The following PAX7 variants were observed in gnomAD, a reference collection of about 807,000 sequenced individuals.
The protein encoded by PAX7 is paired box protein Pax-7.
A neutral mutation model predicts 50.7 loss-of-function variants in PAX7; 18 were observed. The observed-to-expected ratio is 0.36, with a 90% CI of 0.25 to 0.53. The LOEUF is 0.53. Among genes scored for constraint, PAX7 ranks in the 20% least tolerant of loss-of-function variants. The pLI is 0.93. For synonymous variants in PAX7, 310 were observed against 290.4 expected (o/e 1.07, Z -0.69); for missense variants, 644 against 702.9 (o/e 0.92, Z 0.95).
intron 6 of PAX7, among the ~76,000 whole-genome samples, chr1:18,702,268 G>A (rs1204874087): frequency 6.6e-6 from 1 of 152,136 alleles, no homozygotes; most frequent in Non-Finnish European, 1.5e-5. Flanking sequence ...GAACCCGGGA[G>A]GCGGAGGTTG....
chr1:18,638,099 C>A (rs1249227483), intron 4 of PAX7, among the ~76,000 whole-genome samples: 3 of 152,246 alleles, frequency 2.0e-5, no homozygotes, highest in African/African-American at 7.2e-5. Context: ...TCCTGCACAA[C>A]AAACAACTCT....
At chr1:18,709,838 C>T (rs939297944) in intron 7 of PAX7, among the ~76,000 whole-genome samples, 1 of 152,186 alleles carries the variant, frequency 6.6e-6, no homozygotes, top group Non-Finnish European at 1.5e-5. Flanking sequence ...TCTGGTGGTC[C>T]ATCCAGGGAA....
At chr1:18,655,428 C>T (rs1005006404) in intron 4 of PAX7, among the ~76,000 whole-genome samples, 8 of 152,128 alleles carry the variant, frequency 5.3e-5, no homozygotes, top group Non-Finnish European at 7.4e-5. Flanking sequence ...GGGGGCCAAC[C>T]GGGATGAGCT....
At chr1:18,678,138 G>A (rs961888717) in intron 4 of PAX7, among the ~76,000 whole-genome samples, 4 of 151,810 alleles carry the variant, frequency 2.6e-5, no homozygotes, top group South Asian at 2.1e-4. Context: ...TTAGCCGGGC[G>A]CAGTGGCTCA....
intron 4 of PAX7, among the ~76,000 whole-genome samples, chr1:18,660,670 C>T (rs2088587616): frequency 6.6e-6 from 1 of 152,142 alleles, no homozygotes; most frequent in South Asian, 2.1e-4. Context: ...AGAGAGCTGA[C>T]CTGAGCTGGG....
chr1:18,715,984 C>T (rs976276077), intron 7 of PAX7, among the ~76,000 whole-genome samples: 12 of 152,120 alleles, frequency 7.9e-5, no homozygotes, highest in African/African-American at 2.4e-4. Flanking sequence ...CTGTTCCCCC[C>T]GCTCCTTCTT....
intron 4 of PAX7, among the ~76,000 whole-genome samples, chr1:18,646,803 G>A (rs1377006695): frequency 6.6e-6 from 1 of 151,706 alleles, no homozygotes; most frequent in South Asian, 2.1e-4. Flanking sequence ...AGCGCTCCCG[G>A]CCTCCCGGCC....
At chr1:18,713,468 A>C (rs1173431668) in intron 7 of PAX7, among the ~76,000 whole-genome samples, 3 of 152,210 alleles carry the variant, frequency 2.0e-5, no homozygotes, top group African/African-American at 7.2e-5. Flanking sequence ...CATTCTCAGG[A>C]GGATTTTGAG....
chr1:18,740,001 G>A (rs116150394), intron 8 of PAX7, among the ~76,000 whole-genome samples: 23 of 152,304 alleles, frequency 1.5e-4, no homozygotes, highest in African/African-American at 4.3e-4. Context: ...GCGGGCTGAC[G>A]AGGCGCTGAC....
chr1:18,692,061 C>T lies in PAX7; in HGVS notation c.786+108C>T. 4 of 1,007,036 alleles carry T rather than the reference C, an allele frequency of 4.0e-6. No individual in the cohort carries two copies. The South Asian group carries it at 4.7e-5, about 12-fold the overall frequency. The allele number at this position is 1,007,036 out of a possible 1,614,324, so 62.4% of individuals were successfully genotyped here. ...ATGGGACCCCTCGGGGGGTTTACAA[C>T]AGGTTCAGGGGGTTGTGTAGGCAAG... On this transcript the variant is annotated intron_variant, in intron 5 of 8. Transcript: ENST00000420770.
intron 5 of PAX7, among the ~76,000 whole-genome samples, chr1:18,694,329 C>T (rs9439679): frequency 0.19 from 28,305 of 151,730 alleles, 3,483 homozygotes; most frequent in Non-Finnish European, 0.26. Flanking sequence ...CATGCTAGCG[C>T]ATGCCTGTAA....
intron 7 of PAX7, among the ~76,000 whole-genome samples, chr1:18,703,499 G>C (rs775301321): frequency 6.6e-6 from 1 of 152,240 alleles, no homozygotes; most frequent in Non-Finnish European, 1.5e-5. Context: ...CTGAAAGGCA[G>C]GACCATGTCC....
chr1:18,739,363 C>T (rs555193416), intron 8 of PAX7, among the ~76,000 whole-genome samples: 13 of 152,168 alleles, frequency 8.5e-5, no homozygotes, highest in Admixed American at 2.6e-4. Flanking sequence ...TAGACACACA[C>T]GCAGAGAGAG....
intron 4 of PAX7, among the ~76,000 whole-genome samples, chr1:18,639,415 C>A (rs953780501): frequency 4.7e-5 from 7 of 148,092 alleles, no homozygotes; most frequent in Admixed American, 4.7e-4. Context: ...TTGCTCTTAT[C>A]CTTGTTAAGA....
At chr1:18,648,666 C>T (rs533503642) in intron 4 of PAX7, among the ~76,000 whole-genome samples, 1 of 152,256 alleles carries the variant, frequency 6.6e-6, no homozygotes, top group South Asian at 2.1e-4. Context: ...TTATCAAACC[C>T]TAGGTTGTGT....
Position 18,656,848 on chromosome 1 carries a change from C to T in PAX7, c.586+20477C>T, listed in dbSNP as rs528362189. The stretch of plus-strand genomic sequence containing the variant: ...TCTACCAAAAAATAAAAAAATTAGC[C>T]GGGCATGGTGGGGCACGCCTGTGGT... On this transcript the variant is annotated intron_variant, in intron 4 of 8. Coordinates refer to ENST00000420770, the MANE Select transcript of PAX7 (RefSeq NM_001135254.2). 9.9e-5 allele frequency among the ~76,000 whole-genome samples: 15 copies of T among 151,896 alleles called. No homozygotes were observed. The South Asian group carries it at 3.1e-3, about 32-fold the overall frequency.
In PAX7 at chr1:18,636,530, A is replaced by T. The variant is rs1021209978; in HGVS notation, c.586+159A>T. On this transcript the variant is annotated intron_variant, in intron 4 of 8. Transcript: ENST00000420770. The surrounding 1 kb of genome is among the most constrained non-coding windows in gnomAD (Gnocchi z 5.1). ...GCTGGGAGCCGCTCAGGCTTTGCCG[A>T]CAGCGCCCCCTCGGTGCGCACCCCG... Among the ~76,000 whole-genome samples, 2 of 152,206 alleles carry T rather than the reference A, an allele frequency of 1.3e-5. No homozygotes were observed. The highest frequency in any genetic ancestry group is 4.8e-5 in the African/African-American group (2 of 41,460).
At position 18,718,553 on chromosome 1, in the gene PAX7, GT is replaced by G. The variant is rs569621914; in HGVS notation, c.1155+15258del. On this transcript the variant is annotated intron_variant, in intron 7 of 8. Coordinates refer to ENST00000420770, the MANE Select transcript of PAX7 (RefSeq NM_001135254.2). ...TTCCATCTTGTAAACCTCTCCCCAA[GT>G]GGAGGAACGTGGGGATCTGTTGAAG... Among the ~76,000 whole-genome samples, 10 of 152,264 alleles carry G rather than the reference GT, an allele frequency of 6.6e-5. No homozygotes were observed. The South Asian group carries it at 1.5e-3, about 22-fold the overall frequency.
intron 7 of PAX7, among the ~76,000 whole-genome samples, chr1:18,725,915 C>T (rs1368056848): frequency 6.6e-6 from 1 of 152,160 alleles, no homozygotes; most frequent in East Asian, 1.9e-4. Context: ...TCTGGTGTTT[C>T]CAGATATTTC....
Sources: gnomAD v4.1 joint callset for allele counts (sites outside exome capture counted in the v4.1 genomes callset) on GRCh38, gnomAD v4.1.1 for gene constraint, Gnocchi (gnomAD v3.1) non-coding constraint, MANE v1.5 for transcripts, NCBI Gene and HGNC (gene_info 2026-07-23, HGNC 2026-07-21) for gene names.